DDX42: variants seen among roughly 807,000 people sequenced by gnomAD.
DDX42 encodes DEAD-box helicase 42, also known as ATP-dependent RNA helicase DDX42.
Under a neutral mutation model 101.5 loss-of-function variants are expected in DDX42, and 22 were observed. The observed-to-expected ratio is 0.22, with a 90% CI of 0.15 to 0.31. The LOEUF (loss-of-function observed/expected upper bound fraction) is 0.31. DDX42 is among the 10% of genes least tolerant of loss of function. DDX42 has a pLI of 1.00. For missense variants in DDX42, 849 were observed against 1,199.9 expected, an observed-to-expected ratio of 0.71 and a Z score of 4.32; for synonymous variants, 402 against 401.2, an observed-to-expected ratio of 1.00 and a Z score of -0.02.
At position 63,818,097 on chromosome 17, in the gene DDX42, GCCATGGAGATGGATA is replaced by G. The variant is rs2040000746; in HGVS notation, c.2519_2533del (p.His840_Tyr844del). 6.2e-7 allele frequency: 1 copy of G among 1,613,862 alleles called. No individual in the cohort carries two copies. Among genetic ancestry groups the G allele is most frequent in the African/African-American group, 1.3e-5 (1 of 74,918 alleles). On this transcript the variant is annotated inframe_deletion, in exon 18 of 18. Coordinates refer to ENST00000389924, the MANE Select transcript of DDX42 (RefSeq NM_203499.3). ...AGTCCACGTCACGGAGATGGTGGTC[GCCATGGAGATGGATA>G]CCGCCATCCAGAAAGCAGCAGCCGT... is the stretch of plus-strand genomic sequence containing the variant.
chr17:63,800,052 T>G, intron 5 of DDX42: 1 of 210,750 alleles, frequency 4.7e-6, no homozygotes. Flanking sequence ...TTTTCCCCCA[T>G]TGTTCAGTTG....
intron 6 of DDX42, among the ~76,000 whole-genome samples, chr17:63,804,864 G>A (rs1259303231): frequency 6.6e-6 from 1 of 152,116 alleles, no homozygotes; most frequent in Non-Finnish European, 1.5e-5. Context: ...AAAAGAAGTA[G>A]GTTGGTGTTT....
At chr17:63,800,361 G>A (rs2039747558) in intron 5 of DDX42, 107 bp from the exon 6 acceptor site, 2 of 971,802 alleles carry the variant, frequency 2.1e-6, no homozygotes, top group South Asian at 1.9e-5. Context: ...TTACTTGGTA[G>A]GTATGTTAAC....
At chr17:63,796,535 C>T (rs1399561505) in intron 3 of DDX42, among the ~76,000 whole-genome samples, 2 of 152,222 alleles carry the variant, frequency 1.3e-5, no homozygotes, top group East Asian at 3.8e-4. Context: ...AGGCTGCCCT[C>T]GAACTCCTGA....
rs915321492 is a variant in DDX42 at position 63,804,059 on chromosome 17, A to G, written c.622-1012A>G. 4.6e-5 allele frequency among the ~76,000 whole-genome samples: 7 copies of G among 152,190 alleles called. 1 individual carries two copies. Among genetic ancestry groups the G allele is most frequent in the Non-Finnish European group, 1.0e-4 (7 of 68,020 alleles). On this transcript the variant is annotated intron_variant, in intron 6 of 17. Transcript: ENST00000389924. ...TAATAAAGAGATTTGTGAAAATACA[A>G]TAGTGTCACTCTTCTTCCAATTTTT... is the stretch of plus-strand genomic sequence containing the variant.
intron 8 of DDX42, 118 bp downstream of exon 8, chr17:63,806,772 A>C (rs1341398927): frequency 8.9e-7 from 1 of 1,123,582 alleles, no homozygotes; most frequent in South Asian, 2.1e-5. Flanking sequence ...TGATAAGGAT[A>C]GAGGTATTTA....
Position 63,811,859 on chromosome 17 carries a change from TA to T in DDX42, c.1399-71del. 5 of 1,594,874 alleles carry T rather than the reference TA, an allele frequency of 3.1e-6. No homozygotes were observed. The South Asian group carries it at 4.4e-5, about 14-fold the overall frequency. ...GGTCTTCTCGATGCAGGTAGAAATA[TA>T]ATGCCTAGTCCTTGTTCAGGTGCCC... On this transcript the variant is annotated intron_variant, in intron 13 of 17. Coordinates refer to ENST00000389924, the MANE Select transcript of DDX42 (RefSeq NM_203499.3).
chr17:63,818,400 G>A lies in DDX42; in HGVS notation c.*2G>A. 6.2e-7 allele frequency: 1 copy of A among 1,611,076 alleles called. No homozygotes were observed. The highest frequency in any genetic ancestry group is 8.5e-7 in the Non-Finnish European group (1 of 1,178,812). On this transcript the variant is annotated 3_prime_UTR_variant, in exon 18 of 18. Coordinates refer to ENST00000389924, the MANE Select transcript of DDX42 (RefSeq NM_203499.3). ...AAGAAAAGTCGATGGGACAGTTAGA[G>A]GGGATGTGCTAAAGCGTGAAATCAG...
Position 63,818,220 on chromosome 17 carries a change from G to T in DDX42, c.2639G>T (p.Gly880Val). 1 of 1,614,066 alleles carries T rather than the reference G, an allele frequency of 6.2e-7. No homozygotes were observed. Among genetic ancestry groups the T allele is most frequent in the Non-Finnish European group, 8.5e-7 (1 of 1,180,032 alleles). ...RHGENRGANDGRNGESRKEAF... is the reference protein window; with the variant it reads ...RHGENRGANDVRNGESRKEAF... ...GGGGAGAACCGGGGTGCAAATGATG[G>T]TCGGAATGGGGAAAGCAGGAAAGAA... is the stretch of plus-strand genomic sequence containing the variant. The change falls in exon 18 of 18, where the codon GGT becomes GTT. Residue 880 changes from glycine to valine, a missense_variant. Transcript: ENST00000389924.
intron 14 of DDX42, 84 bp downstream of exon 14, chr17:63,812,292 G>A: frequency 1.3e-6 from 2 of 1,493,306 alleles, no homozygotes; most frequent in South Asian, 2.7e-5. Context: ...TAATATCTGA[G>A]CAGGCTGATG....
chr17:63,787,991 A>G (rs1319012911), intron 2 of DDX42, among the ~76,000 whole-genome samples: 2 of 147,168 alleles, frequency 1.4e-5, no homozygotes, highest in African/African-American at 5.1e-5. Flanking sequence ...CGCAACTTCA[A>G]CCTCTCGAGT....
chr17:63,778,142 A>C (rs1270125082), intron 1 of DDX42, among the ~76,000 whole-genome samples: 4 of 152,218 alleles, frequency 2.6e-5, no homozygotes, highest in Non-Finnish European at 4.4e-5. Context: ...GTTCCACGGT[A>C]TTAACACACA....
At chr17:63,779,182 C>G (rs944560550) in intron 1 of DDX42, among the ~76,000 whole-genome samples, 2 of 152,078 alleles carry the variant, frequency 1.3e-5, no homozygotes, top group African/African-American at 4.8e-5. Flanking sequence ...TTTGGCACCC[C>G]AGCAGGAAAT....
At chr17:63,776,067 A>T (rs1048428330) in intron 1 of DDX42, 7 of 152,212 alleles carry the variant, frequency 4.6e-5, no homozygotes, top group Admixed American at 1.3e-4. Context: ...AGGTACTCTC[A>T]AAGTATATGT....
chr17:63,781,364 C>T (rs2039485922), intron 1 of DDX42, among the ~76,000 whole-genome samples: 1 of 152,036 alleles, frequency 6.6e-6, no homozygotes. Context: ...ACTACAGGTG[C>T]CCGCCACCAC....
At chr17:63,775,811 G>T (rs1458087365) in intron 1 of DDX42, among the ~76,000 whole-genome samples, 1 of 152,152 alleles carries the variant, frequency 6.6e-6, no homozygotes, top group African/African-American at 2.4e-5. Context: ...TCGATCAGAG[G>T]AATGATAATA....
chr17:63,792,311 T>C, intron 2 of DDX42, 101 bp from the exon 3 acceptor site: 1 of 1,298,692 alleles, frequency 7.7e-7, no homozygotes, highest in Non-Finnish European at 1.1e-6. Flanking sequence ...GCATTACATC[T>C]CCTAATAATA....
chr17:63,800,325 G>T, intron 5 of DDX42, 143 bp from the exon 6 acceptor site: 1 of 615,000 alleles, frequency 1.6e-6, no homozygotes, highest in Non-Finnish European at 2.7e-6. Flanking sequence ...ATTATTAAAG[G>T]AATCATTGCT....
At chr17:63,792,726 G>A (rs1271151945) in intron 3 of DDX42, among the ~76,000 whole-genome samples, 164 bp downstream of exon 3, 1 of 148,580 alleles carries the variant, frequency 6.7e-6, no homozygotes, top group Middle Eastern at 3.2e-3. Flanking sequence ...ACTTCCACTT[G>A]CCCTGTAGTA....
Sources: allele counts gnomAD v4.1 joint callset (sites outside exome capture counted in the v4.1 genomes callset), GRCh38; gene constraint gnomAD v4.1.1; transcripts MANE v1.5; gene names NCBI Gene and HGNC (gene_info 2026-07-23, HGNC 2026-07-21).